The following KISS1 variants were observed in gnomAD, a reference collection of about 807,000 sequenced individuals.
KISS1 encodes KiSS-1 metastasis suppressor, also known as metastasis-suppressor KiSS-1.
For missense variants in KISS1, 182 were observed against 182.7 expected (o/e 1.00, Z 0.02); for synonymous variants, 97 against 88.7 (o/e 1.09, Z -0.52).
chr1:204,191,422 A>C (rs893538272), intron 2 of KISS1, among the ~76,000 whole-genome samples: 10 of 151,298 alleles, frequency 6.6e-5, no homozygotes, highest in African/African-American at 2.4e-4. Context: ...GGTCACCTTA[A>C]CTGGCTCTCT....
At chr1:204,191,629 G>C (rs536280340) in intron 2 of KISS1, among the ~76,000 whole-genome samples, 1 of 152,232 alleles carries the variant, frequency 6.6e-6, no homozygotes, top group Non-Finnish European at 1.5e-5. Flanking sequence ...GTGTGAATGG[G>C]TGTGAATAGA....
In KISS1 at chr1:204,190,409, T is replaced by TCGC; in HGVS notation, c.*74_*75insGCG. ...CAGCGCCCCCTCCCTTAGCCCTACG[T>TCGC]CCCCGCCCCCCGCCCCCGCCCCGCA... is the stretch of plus-strand genomic sequence containing the variant. On this transcript the variant is annotated 3_prime_UTR_variant, in exon 3 of 3. Transcript: ENST00000367194. 1.8e-6 allele frequency: 1 copy of TCGC among 570,138 alleles called. No individual in the cohort carries two copies. Among genetic ancestry groups the TCGC allele is most frequent in the African/African-American group, 2.5e-5 (1 of 40,316 alleles). The allele number at this position is 570,138 out of a possible 1,614,324, so 35.3% of individuals were successfully genotyped here.
At chr1:204,195,831 C>T (rs533530254) in intron 1 of KISS1, among the ~76,000 whole-genome samples, 1 of 152,258 alleles carries the variant, frequency 6.6e-6, no homozygotes, top group East Asian at 1.9e-4. Context: ...CATGAGTGGC[C>T]GACCTGCTGT....
intron 1 of KISS1, among the ~76,000 whole-genome samples, chr1:204,195,562 C>T (rs1017423721): frequency 6.6e-6 from 1 of 150,512 alleles, no homozygotes; most frequent in Admixed American, 6.6e-5. Flanking sequence ...TACACCCGTA[C>T]ACATACACTA....
At chr1:204,193,406 T>G (rs1020947085) in intron 1 of KISS1, among the ~76,000 whole-genome samples, 1 of 152,168 alleles carries the variant, frequency 6.6e-6, no homozygotes, top group Admixed American at 6.5e-5. Flanking sequence ...CAACAGGCAC[T>G]TCTTCCTTCC....
Position 204,192,588 on chromosome 1 carries a change from A to G in KISS1, c.103+186T>C, listed in dbSNP as rs1658763858. Among the ~76,000 whole-genome samples, 1 of 152,178 alleles carries G rather than the reference A, an allele frequency of 6.6e-6. No individual in the cohort carries two copies. Among genetic ancestry groups the G allele is most frequent in the East Asian group, 1.9e-4 (1 of 5,192 alleles). ...GGTGGGCGGACTGAGGCCATCACAG[A>G]GGCAAGGCATCCGTCACTTGCAGGG... On this transcript the variant is annotated intron_variant, in intron 2 of 2. Coordinates refer to ENST00000367194, the MANE Select transcript of KISS1 (RefSeq NM_002256.4). This position sits in a 1 kb window ranked among gnomAD's most constrained non-coding sequence, Gnocchi z 4.2.
intron 1 of KISS1, among the ~76,000 whole-genome samples, chr1:204,195,213 G>GCATACACCATACACACATCATACACA (rs1658818758): frequency 7.4e-4 from 1 of 1,346 alleles, no homozygotes; most frequent in African/African-American, 4.0e-3. Flanking sequence ...ACATATATAC[G>GCATACACCATACACACATCATACACA]CACACACCCA....
At chr1:204,193,290 G>A (rs1293746618) in intron 1 of KISS1, among the ~76,000 whole-genome samples, 1 of 152,170 alleles carries the variant, frequency 6.6e-6, no homozygotes, top group African/African-American at 2.4e-5. Context: ...GAAAGGTGGG[G>A]TGAGATGCCA....
chr1:204,192,758 C>G lies in KISS1; in HGVS notation c.103+16G>C. The G allele has an allele frequency of 6.5e-7, 1 of 1,533,638 alleles. No individual in the cohort carries two copies. The stretch of plus-strand genomic sequence containing the variant: ...CCACTTGCTCCCTCCCACTCCTTTC[C>G]CCAGAGGATACATACCTGTGGGTCT... On this transcript the variant is annotated intron_variant, in intron 2 of 2. Coordinates refer to ENST00000367194, the MANE Select transcript of KISS1 (RefSeq NM_002256.4). This position sits in a 1 kb window ranked among gnomAD's most constrained non-coding sequence, Gnocchi z 4.2.
intron 1 of KISS1, among the ~76,000 whole-genome samples, chr1:204,195,337 C>CATGCACACACACCACACACATATAT (rs1658832813): frequency 3.4e-5 from 2 of 58,670 alleles, no homozygotes; most frequent in Admixed American, 1.8e-4. Flanking sequence ...ACACACCACA[C>CATGCACACACACCACACACATATAT]ACGCATACAC....
intron 1 of KISS1, among the ~76,000 whole-genome samples, chr1:204,195,603 CAT>C (rs751933380): frequency 6.6e-6 from 1 of 151,428 alleles, no homozygotes; most frequent in Non-Finnish European, 1.5e-5. Context: ...ACGCCACACA[CAT>C]ATACACACAT....
At chr1:204,194,788 G>A (rs1229394046) in intron 1 of KISS1, among the ~76,000 whole-genome samples, 1 of 152,076 alleles carries the variant, frequency 6.6e-6, no homozygotes, top group Non-Finnish European at 1.5e-5. Context: ...CGGTGCTAAG[G>A]CGCTGAAGCA....
rs922676435 is a variant in KISS1 at position 204,192,598 on chromosome 1, T to A, written c.103+176A>T. ...CTGAGGCCATCACAGAGGCAAGGCA[T>A]CCGTCACTTGCAGGGTTAACAGGAC... On this transcript the variant is annotated intron_variant, in intron 2 of 2. Transcript: ENST00000367194. This position sits in a 1 kb window ranked among gnomAD's most constrained non-coding sequence, Gnocchi z 4.2. 6.6e-6 allele frequency among the ~76,000 whole-genome samples: 1 copy of A among 152,162 alleles called. No individual in the cohort carries two copies.
intron 1 of KISS1, among the ~76,000 whole-genome samples, chr1:204,195,295 T>TGC (rs1658829564): frequency 2.0e-4 from 1 of 4,974 alleles, no homozygotes; most frequent in African/African-American, 7.9e-4. Flanking sequence ...ACCACACACA[T>TGC]ACACCCATAC....
At position 204,190,417 on chromosome 1, in the gene KISS1, C is replaced by CCCCCCCCCCCCCCCCCCATG; in HGVS notation, c.*66_*67insCATGGGGGGGGGGGGGGGGG. 1 of 601,226 alleles carries CCCCCCCCCCCCCCCCCCATG rather than the reference C, an allele frequency of 1.7e-6. No individual in the cohort carries two copies. Among genetic ancestry groups the CCCCCCCCCCCCCCCCCCATG allele is most frequent in the Non-Finnish European group, 2.9e-6 (1 of 346,094 alleles). The allele number at this position is 601,226 out of a possible 1,614,324, so 37.2% of individuals were successfully genotyped here. On this transcript the variant is annotated 3_prime_UTR_variant, in exon 3 of 3. Coordinates refer to ENST00000367194, the MANE Select transcript of KISS1 (RefSeq NM_002256.4). Reference sequence around the variant, plus strand: ...CCTCCCTTAGCCCTACGTCCCCGCCCCCCGCCCCCGCCCCGCATGCTCTGA... The same window carrying CCCCCCCCCCCCCCCCCCATG: ...CCTCCCTTAGCCCTACGTCCCCGCCCCCCCCCCCCCCCCCCCCATGCCCGCCCCCGCCCCGCATGCTCTGA...
chr1:204,194,190 C>T (rs1429604582), intron 1 of KISS1, among the ~76,000 whole-genome samples: 1 of 152,204 alleles, frequency 6.6e-6, no homozygotes, highest in African/African-American at 2.4e-5. Context: ...CCCAGCTCTG[C>T]TTTCATTCCC....
intron 1 of KISS1, among the ~76,000 whole-genome samples, chr1:204,194,881 G>A (rs1248388279): frequency 6.6e-6 from 1 of 152,078 alleles, no homozygotes; most frequent in African/African-American, 2.4e-5. Flanking sequence ...GAAAGCTAGT[G>A]ACAAGGCTGG....
intron 1 of KISS1, among the ~76,000 whole-genome samples, chr1:204,196,138 GC>G (rs1658853658): frequency 6.6e-6 from 1 of 152,212 alleles, no homozygotes; most frequent in South Asian, 2.1e-4. Flanking sequence ...GCAAGAGAGA[GC>G]CCTCGGGATC....
intron 1 of KISS1, among the ~76,000 whole-genome samples, chr1:204,193,803 C>T (rs1030520953): frequency 2.6e-5 from 4 of 152,074 alleles, no homozygotes; most frequent in Admixed American, 6.6e-5. Flanking sequence ...TCTGCCCCAC[C>T]GACACCCCAC....
Sources: allele counts gnomAD v4.1 joint callset (sites outside exome capture counted in the v4.1 genomes callset), GRCh38; gene constraint gnomAD v4.1.1; non-coding constraint Gnocchi (gnomAD v3.1); transcripts MANE v1.5; gene names NCBI Gene and HGNC (gene_info 2026-07-23, HGNC 2026-07-21).